GAS2L2: variants seen among roughly 807,000 people sequenced by gnomAD.
GAS2L2 encodes GAS2-like protein 2.
In GAS2L2, 21 loss-of-function variants were observed where a neutral mutation model predicts 35.2. The observed-to-expected ratio is 0.60, with a 90% confidence interval of 0.42 to 0.86. GAS2L2 has a LOEUF of 0.86. Among genes scored for constraint, GAS2L2 ranks in the 40% least tolerant of loss-of-function variants. The pLI, the probability that GAS2L2 is intolerant of heterozygous loss-of-function variation, is 0.00. For missense variants in GAS2L2, 1,169 were observed against 1,144.4 expected (o/e 1.02, Z -0.31); for synonymous variants, 490 against 473.2 (o/e 1.04, Z -0.46).
At position 35,750,219 on chromosome 17, in the gene GAS2L2, C is replaced by G; in HGVS notation, c.485G>C (p.Gly162Ala). 6.2e-7 allele frequency: 1 copy of G among 1,613,848 alleles called. No individual in the cohort carries two copies. The highest frequency in any genetic ancestry group is 8.5e-7 in the Non-Finnish European group (1 of 1,179,848). The change falls in exon 2 of 6, where the codon GGT becomes GCT. Residue 162 changes from glycine to alanine, a missense_variant. Coordinates refer to ENST00000604641, the MANE Select transcript of GAS2L2 (RefSeq NM_139285.4). Reference sequence around the variant, plus strand: ...CTGCACGAGTGTGGGCGCCGCAACACCAAAGCGCCACGCCCGGCGGCCCAG... The same window carrying G: ...CTGCACGAGTGTGGGCGCCGCAACAGCAAAGCGCCACGCCCGGCGGCCCAG... ...LELGRRAWRFGVAAPTLVQLE... is the reference protein window; with the variant it reads ...LELGRRAWRFAVAAPTLVQLE...
In GAS2L2 at chr17:35,752,534, C is replaced by A. The variant is rs781977154; in HGVS notation, c.317G>T (p.Gly106Val). The change falls in exon 1 of 6, where the codon GGT becomes GTT. Residue 106 changes from glycine to valine, a missense_variant. By Grantham distance (109) the Gly-to-Val change is moderately radical. This residue lies in a region of GAS2L2 where 127 missense variants were observed against 146.1 expected (regional missense o/e 0.87). Coordinates refer to ENST00000604641, the MANE Select transcript of GAS2L2 (RefSeq NM_139285.4). ...GVSCNGAAQP[G>V]TFQARDNVSN... ...GACATTGTCCCTGGCCTGGAAGGTA[C>A]CTGGCTGGGCGGCCCCATTGCAGGA... The A allele has an allele frequency of 2.2e-5, 35 of 1,612,586 alleles. No homozygotes were observed. Among genetic ancestry groups the A allele is most frequent in the East Asian group, 4.5e-5 (2 of 44,820 alleles).
Position 35,745,773 on chromosome 17 carries a change from G to T in GAS2L2, c.1724C>A (p.Ser575Tyr). Residue 575 changes from serine to tyrosine, a missense_variant, in exon 6 of 6, where the codon TCC becomes TAC. Ser to Tyr is a moderately radical substitution (Grantham distance 144). Around this residue, in one of 3 missense-constraint regions of GAS2L2, gnomAD observed 1,035 missense variants for 976.5 expected, o/e 1.06. Transcript: ENST00000604641. ...CTGCTCCTGTAGGCCCAGGTCCCAG[G>T]ACTCTCTGGCCTCTGCCATGACCTG... The part of the protein sequence containing the change: ...DIQVMAEARE[S>Y]WDLGLQEQEG... 6.2e-7 allele frequency: 1 copy of T among 1,613,834 alleles called. No individual in the cohort carries two copies. Among genetic ancestry groups the T allele is most frequent in the Non-Finnish European group, 8.5e-7 (1 of 1,180,048 alleles).
chr17:35,752,341 T>C, intron 1 of GAS2L2, 125 bp downstream of exon 1: 1 of 953,096 alleles, frequency 1.0e-6, no homozygotes, highest in Non-Finnish European at 1.6e-6. Context: ...AAAGAGCTGG[T>C]TCAAGGCAAA....
chr17:35,745,984 TG>T lies in GAS2L2; in HGVS notation c.1512del (p.Ile505SerfsTer34). On this transcript the variant is annotated frameshift_variant, in exon 6 of 6. Coordinates refer to ENST00000604641, the MANE Select transcript of GAS2L2 (RefSeq NM_139285.4). LOFTEE classifies it low-confidence loss of function (END_TRUNC). ...GGGGGGCGAGCAGGGGGCAGCCGGATGGGGATCTTGGTTAGGCCTTGGACAG... is the reference window on the plus strand; with the variant it reads ...GGGGGGCGAGCAGGGGGCAGCCGGATGGGATCTTGGTTAGGCCTTGGACAG... ...PTPVQGLTKI[P>X]IRLPPARPPT... is the part of the protein sequence containing the mutation. 1 of 1,595,102 alleles carries T rather than the reference TG, an allele frequency of 6.3e-7. No homozygotes were observed. Among genetic ancestry groups the T allele is most frequent in the Non-Finnish European group, 8.6e-7 (1 of 1,168,872 alleles).
In GAS2L2 at chr17:35,745,155, C is replaced by T. The variant is rs144720767; in HGVS notation, c.2342G>A (p.Arg781Gln). Residue 781 changes from arginine (R) to glutamine (Q), a missense_variant, in exon 6 of 6, where the codon CGG (arginine) becomes CAG (glutamine). Coordinates refer to ENST00000604641, the MANE Select transcript of GAS2L2 (RefSeq NM_139285.4). ...IYKLKLRPRI[R>Q]PRRDHRPEKQ... ...CTCAGGCCTGTGGTCTCTCCGGGGCCGAATCCTGGGTCTCAGCTTCAGCTT... is the reference window on the plus strand; with the variant it reads ...CTCAGGCCTGTGGTCTCTCCGGGGCTGAATCCTGGGTCTCAGCTTCAGCTT... The T allele has an allele frequency of 3.2e-4, 524 of 1,612,810 alleles. No individual in the cohort carries two copies. The highest frequency in any genetic ancestry group is 1.2e-3 in the African/African-American group (93 of 75,034).
Position 35,746,116 on chromosome 17 carries a change from A to G in GAS2L2, c.1381T>C (p.Ser461Pro). 2 of 1,514,374 alleles carry G rather than the reference A, an allele frequency of 1.3e-6. No homozygotes were observed. Among genetic ancestry groups the G allele is most frequent in the Middle Eastern group, 3.6e-4 (2 of 5,576 alleles). The allele number at this position is 1,514,374 out of a possible 1,614,324, so 93.8% of individuals were successfully genotyped here. A position where few individuals can be genotyped will look rare whatever the true frequency, so the allele number is the denominator to read the frequency against. Residue 461 changes from serine (S) to proline (P), a missense_variant, in exon 6 of 6, where the codon TCC becomes CCC. Ser to Pro is a moderately conservative substitution (Grantham distance 74, BLOSUM62 -1). This residue lies in a region of GAS2L2 where 1,035 missense variants were observed against 976.5 expected (regional missense o/e 1.06). Coordinates refer to ENST00000604641, the MANE Select transcript of GAS2L2 (RefSeq NM_139285.4). Reference protein sequence around the residue: ...SARGPSPLPRSFGPAECLGLR... With the variant: ...SARGPSPLPRPFGPAECLGLR... ...CCCAGGCACTCGGCTGGGCCAAAGG[A>G]ACGAGGCAGGGGAGATGGTCCTCTT...
chr17:35,744,917 C>T lies in GAS2L2; in HGVS notation c.2580G>A (p.Glu860=), dbSNP rs782770690. ...GATTAAGCCAGTGAGGTTGCAGGCCCTCTGGAGGTTGGGGGCTGCTCTCCA... is the reference window on the plus strand; with the variant it reads ...GATTAAGCCAGTGAGGTTGCAGGCCTTCTGGAGGTTGGGGGCTGCTCTCCA... ...APLESSPQPP[E]GLQPHWLNQA... Residue 860 remains glutamate, a synonymous_variant, in exon 6 of 6, where the codon GAG becomes GAA. Transcript: ENST00000604641. The T allele has an allele frequency of 6.2e-7, 1 of 1,613,110 alleles. No individual in the cohort carries two copies. Among genetic ancestry groups the T allele is most frequent in the South Asian group, 1.1e-5 (1 of 90,880 alleles).
At position 35,746,113 on chromosome 17, in the gene GAS2L2, A is replaced by C. The variant is rs377164027; in HGVS notation, c.1384T>G (p.Phe462Val). Residue 462 changes from phenylalanine (F) to valine (V), a missense_variant, in exon 6 of 6, where the codon TTT becomes GTT. This residue lies in a region of GAS2L2 where 1,035 missense variants were observed against 976.5 expected (regional missense o/e 1.06). Transcript: ENST00000604641. ...AGGCCCAGGCACTCGGCTGGGCCAA[A>C]GGAACGAGGCAGGGGAGATGGTCCT... Reference protein sequence around the residue: ...ARGPSPLPRSFGPAECLGLRL... With the variant: ...ARGPSPLPRSVGPAECLGLRL... 1 of 1,514,760 alleles carries C rather than the reference A, an allele frequency of 6.6e-7. No individual in the cohort carries two copies. The highest frequency in any genetic ancestry group is 1.4e-5 in the African/African-American group (1 of 71,600). The allele number at this position is 1,514,760 out of a possible 1,614,324, so 93.8% of individuals were successfully genotyped here.
rs782720151 is a variant in GAS2L2 at position 35,744,688 on chromosome 17, C to G, written c.*166G>C. 2 of 624,532 alleles carry G rather than the reference C, an allele frequency of 3.2e-6. No homozygotes were observed. Among genetic ancestry groups the G allele is most frequent in the Non-Finnish European group, 5.6e-6 (2 of 359,370 alleles). The allele number at this position is 624,532 out of a possible 1,614,324, so 38.7% of individuals were successfully genotyped here. On this transcript the variant is annotated 3_prime_UTR_variant, in exon 6 of 6. Transcript: ENST00000604641. ...GTTGGAGTGAGAGCAGTGGGTTGCC[C>G]CTTTGCTCAGATGAGCAGATGGAGT...
At position 35,750,217 on chromosome 17, in the gene GAS2L2, C is replaced by A. The variant is rs1555599593; in HGVS notation, c.487G>T (p.Val163Phe). The change falls in exon 2 of 6, where the codon GTT becomes TTT. Residue 163 changes from valine (V) to phenylalanine (F), a missense_variant. This residue lies in a region of GAS2L2 where 1,035 missense variants were observed against 976.5 expected (regional missense o/e 1.06). Coordinates refer to ENST00000604641, the MANE Select transcript of GAS2L2 (RefSeq NM_139285.4). ...AGCTGCACGAGTGTGGGCGCCGCAA[C>A]ACCAAAGCGCCACGCCCGGCGGCCC... ...ELGRRAWRFG[V>F]AAPTLVQLEE... 1 of 1,613,842 alleles carries A rather than the reference C, an allele frequency of 6.2e-7. No homozygotes were observed. The highest frequency in any genetic ancestry group is 1.7e-5 in the Admixed American group (1 of 60,008).
intron 5 of GAS2L2, 148 bp from the exon 6 acceptor site, chr17:35,746,559 C>T: frequency 6.6e-6 from 3 of 456,870 alleles, no homozygotes; most frequent in Non-Finnish European, 7.3e-6. Context: ...ACCTATGCTC[C>T]CTCTCCTCCG....
At position 35,752,710 on chromosome 17, in the gene GAS2L2, C is replaced by T; in HGVS notation, c.141G>A (p.Gly47=). Residue 47 remains glycine (G), a synonymous_variant, in exon 1 of 6, where the codon GGG becomes GGA. Transcript: ENST00000604641. The part of the protein sequence containing the change: ...DLAEWLRDLY[G]LDIDAANFLQ... ...GGAAGTTGGCTGCGTCGATGTCCAG[C>T]CCATAGAGGTCGCGAAGCCACTCAG... is the stretch of plus-strand genomic sequence containing the variant. The T allele has an allele frequency of 6.2e-7, 1 of 1,614,010 alleles. No homozygotes were observed. Among genetic ancestry groups the T allele is most frequent in the Non-Finnish European group, 8.5e-7 (1 of 1,180,042 alleles).
intron 3 of GAS2L2, among the ~76,000 whole-genome samples, 153 bp from the exon 4 acceptor site, chr17:35,748,098 A>G (rs956166175): frequency 1.3e-5 from 2 of 152,026 alleles, no homozygotes; most frequent in Non-Finnish European, 2.9e-5. Context: ...GGCAGCCCGA[A>G]TCTCCTCCTC....
At chr17:35,749,577 G>A (rs1555599473) in intron 2 of GAS2L2, among the ~76,000 whole-genome samples, 3 of 152,222 alleles carry the variant, frequency 2.0e-5, no homozygotes, top group Non-Finnish European at 4.4e-5. Flanking sequence ...ACTAATTGCT[G>A]TGAAGTGGCC....
chr17:35,748,154 C>T (rs2085681592), intron 3 of GAS2L2, among the ~76,000 whole-genome samples: 1 of 152,358 alleles, frequency 6.6e-6, no homozygotes, highest in South Asian at 2.1e-4. Flanking sequence ...GGGAGCCAGG[C>T]TGAAAGCTGT....
chr17:35,749,747 G>C (rs1265574755), intron 2 of GAS2L2, among the ~76,000 whole-genome samples: 3 of 152,200 alleles, frequency 2.0e-5, no homozygotes, highest in Non-Finnish European at 2.9e-5. Flanking sequence ...CAGCTGCAAA[G>C]CAGTGGAACT....
chr17:35,747,481 A>G (rs587660501), intron 4 of GAS2L2, among the ~76,000 whole-genome samples: 21 of 152,208 alleles, frequency 1.4e-4, no homozygotes, highest in African/African-American at 4.1e-4. Flanking sequence ...CGGGTACACA[A>G]CTTTCCCTTA....
intron 1 of GAS2L2, among the ~76,000 whole-genome samples, chr17:35,750,722 C>T (rs1012591974): frequency 2.6e-5 from 4 of 152,146 alleles, no homozygotes; most frequent in Admixed American, 1.3e-4. Flanking sequence ...CCACGCCTCT[C>T]TCCTCCTATC....
rs782286070 is a variant in GAS2L2, at chr17:35,745,333, G to A, written c.2164C>T (p.Gln722Ter). Residue 722 changes from glutamine to a stop codon, truncating the protein, a stop_gained, in exon 6 of 6, where the codon CAG (glutamine) becomes TAG (stop). Coordinates refer to ENST00000604641, the MANE Select transcript of GAS2L2 (RefSeq NM_139285.4). LOFTEE classifies it low-confidence loss of function (END_TRUNC). ...GAAGCCGAGCAGTCCTGCCCTCCCTGAGGTGGGACCTTCCTCATGTGGGTG... is the reference window on the plus strand; with the variant it reads ...GAAGCCGAGCAGTCCTGCCCTCCCTAAGGTGGGACCTTCCTCATGTGGGTG... Reference protein sequence around the residue: ...KGTHMRKVPPQGGQDCSASTV... With the variant: ...KGTHMRKVPP The A allele has an allele frequency of 1.1e-5, 18 of 1,609,602 alleles. No homozygotes were observed. The highest frequency in any genetic ancestry group is 1.4e-5 in the Non-Finnish European group (17 of 1,177,206).
Sources: allele counts gnomAD v4.1 joint callset (sites outside exome capture counted in the v4.1 genomes callset), GRCh38; gene constraint gnomAD v4.1.1; regional missense constraint gnomAD v4.1.1; transcripts MANE v1.5; gene names NCBI Gene and HGNC (gene_info 2026-07-23, HGNC 2026-07-21).